Variants in RAD51B observed in about 807,000 individuals in gnomAD.
The protein encoded by RAD51B is DNA repair protein RAD51 homolog 2.
In RAD51B, 38 loss-of-function variants were observed where a neutral mutation model predicts 42.2. The observed-to-expected ratio is 0.90, with a 90% confidence interval of 0.70 to 1.18. RAD51B has a LOEUF of 1.18. Among genes scored for constraint, RAD51B ranks in the 50% most tolerant of loss-of-function variants. RAD51B has a pLI of 0.00. For synonymous variants in RAD51B, 154 were observed against 145.2 expected, an observed-to-expected ratio of 1.06 and a Z score of -0.43; for missense variants, 373 against 400.7, an observed-to-expected ratio of 0.93 and a Z score of 0.59.
intron 10 of RAD51B, among the ~76,000 whole-genome samples, chr14:68,547,579 A>T (rs1334350895): frequency 2.0e-5 from 3 of 152,150 alleles, no homozygotes; most frequent in African/African-American, 7.2e-5. Context: ...GGGGCAGGAG[A>T]CACAGCACTG....
chr14:68,367,374 G>A (rs2083164149), intron 8 of RAD51B, among the ~76,000 whole-genome samples: 1 of 152,202 alleles, frequency 6.6e-6, no homozygotes, highest in East Asian at 1.9e-4. Context: ...ACGTATTTAT[G>A]TGTGAGTTGT....
intron 10 of RAD51B, among the ~76,000 whole-genome samples, chr14:68,591,053 C>T (rs920911019): frequency 2.0e-5 from 3 of 152,224 alleles, no homozygotes; most frequent in Admixed American, 6.5e-5. Context: ...TCACTAGTGA[C>T]TCTTTTCTTC....
chr14:68,389,285 C>T (rs1349703343), intron 8 of RAD51B, among the ~76,000 whole-genome samples: 1 of 152,174 alleles, frequency 6.6e-6, no homozygotes, highest in East Asian at 1.9e-4. Flanking sequence ...CATCCCACCC[C>T]TCCACCCTCA....
At chr14:67,961,895 T>G (rs1323794327) in intron 7 of RAD51B, among the ~76,000 whole-genome samples, 1 of 152,178 alleles carries the variant, frequency 6.6e-6, no homozygotes. Flanking sequence ...AACTATAACA[T>G]TCTGATAAAG....
At chr14:68,350,477 GA>G (rs1185631646) in intron 8 of RAD51B, among the ~76,000 whole-genome samples, 1 of 152,242 alleles carries the variant, frequency 6.6e-6, no homozygotes, top group Non-Finnish European at 1.5e-5. Flanking sequence ...ATAGCAGAGT[GA>G]GCAAAGGCTG....
intron 10 of RAD51B, among the ~76,000 whole-genome samples, chr14:68,607,763 C>G (rs1003026938): frequency 6.6e-6 from 1 of 152,158 alleles, no homozygotes; most frequent in African/African-American, 2.4e-5. Flanking sequence ...CCCGGGGAGG[C>G]GCACTCTAAG....
At chr14:68,392,754 AG>A (rs1228250546) in intron 8 of RAD51B, among the ~76,000 whole-genome samples, 1 of 152,208 alleles carries the variant, frequency 6.6e-6, no homozygotes, top group Non-Finnish European at 1.5e-5. Flanking sequence ...TCGGAGGTAA[AG>A]AAACTGGTCC....
intron 8 of RAD51B, among the ~76,000 whole-genome samples, chr14:68,313,940 C>T (rs890057937): frequency 3.9e-5 from 6 of 152,132 alleles, no homozygotes; most frequent in African/African-American, 9.7e-5. Context: ...CTAAAGACCC[C>T]GTGGCCTCTG....
chr14:68,184,428 A>G (rs1315713622), intron 7 of RAD51B, among the ~76,000 whole-genome samples: 1 of 151,784 alleles, frequency 6.6e-6, no homozygotes, highest in African/African-American at 2.4e-5. Flanking sequence ...TTTCTTTTGT[A>G]GAGACAGGGT....
intron 7 of RAD51B, among the ~76,000 whole-genome samples, chr14:68,272,926 C>T (rs541097952): frequency 9.3e-5 from 14 of 151,074 alleles, no homozygotes; most frequent in East Asian, 3.9e-4. Context: ...CCTGGTGATC[C>T]GCCTGCCTCG....
chr14:68,071,798 C>T (rs1227124047), intron 7 of RAD51B, among the ~76,000 whole-genome samples: 1 of 151,532 alleles, frequency 6.6e-6, no homozygotes, highest in African/African-American at 2.4e-5. Context: ...AGGGAGGAGT[C>T]TCTTCTCCCC....
intron 9 of RAD51B, among the ~76,000 whole-genome samples, chr14:68,465,046 T>A (rs2085939765): frequency 6.6e-6 from 1 of 152,212 alleles, no homozygotes; most frequent in African/African-American, 2.4e-5. Context: ...GATGCCATTC[T>A]TGTGTCTCAT....
chr14:68,339,308 C>T lies in RAD51B; in HGVS notation c.853+47328C>T, dbSNP rs2082524886. ...ACTGGTTAATGGCAGGAGGCACTTACATCCACTTACAGAGGATGGCTCTCT... is the reference window on the plus strand; with the variant it reads ...ACTGGTTAATGGCAGGAGGCACTTATATCCACTTACAGAGGATGGCTCTCT... On this transcript the variant is annotated intron_variant, in intron 8 of 10. Coordinates refer to ENST00000471583, the MANE Select transcript of RAD51B (RefSeq NM_133510.4). 2.2e-5 allele frequency: 20 copies of T among 904,520 alleles called. No homozygotes were observed. The Admixed American group carries it at 2.5e-4, about 11-fold the overall frequency. The allele number at this position is 904,520 out of a possible 1,614,324, so 56.0% of individuals were successfully genotyped here.
intron 7 of RAD51B, among the ~76,000 whole-genome samples, chr14:67,969,480 C>G (rs906650700): frequency 1.3e-5 from 2 of 152,062 alleles, no homozygotes; most frequent in African/African-American, 4.8e-5. Context: ...TTCCGTATGC[C>G]TAAATCCTCC....
chr14:68,381,692 T>G (rs758779877), intron 8 of RAD51B, among the ~76,000 whole-genome samples: 38 of 152,062 alleles, frequency 2.5e-4, no homozygotes, highest in Non-Finnish European at 2.6e-4. Context: ...AATAAATAAA[T>G]AAATAAAAAG....
In RAD51B at chr14:67,944,882, T is replaced by C. The variant is rs574412031; in HGVS notation, c.756+57678T>C. ...ACAGTTATTAGATACCCCACAGACA[T>C]TTTTTGAAATCTGCTGGATTGAGAG... On this transcript the variant is annotated intron_variant, in intron 7 of 10. Transcript: ENST00000471583. Among the ~76,000 whole-genome samples, 6 of 152,310 alleles carry C rather than the reference T, an allele frequency of 3.9e-5. No homozygotes were observed. In the South Asian group the frequency reaches 1.0e-3, roughly 26 times the overall value.
At chr14:68,054,352 C>T (rs2076440709) in intron 7 of RAD51B, among the ~76,000 whole-genome samples, 1 of 152,036 alleles carries the variant, frequency 6.6e-6, no homozygotes, top group African/African-American at 2.4e-5. Flanking sequence ...TTTTGATTTT[C>T]TCTAATGATT....
chr14:68,582,617 C>T (rs1594996177), intron 10 of RAD51B, among the ~76,000 whole-genome samples: 1 of 152,248 alleles, frequency 6.6e-6, no homozygotes, highest in East Asian at 1.9e-4. Flanking sequence ...GATCTAGAAC[C>T]AGAAATACCA....
intron 7 of RAD51B, among the ~76,000 whole-genome samples, chr14:68,285,311 C>T (rs924943860): frequency 2.6e-5 from 4 of 152,138 alleles, no homozygotes; most frequent in Admixed American, 2.6e-4. Flanking sequence ...AGGTCACTGT[C>T]ATATATGGCA....
Sources: gnomAD v4.1 joint callset for allele counts (sites outside exome capture counted in the v4.1 genomes callset) on GRCh38, gnomAD v4.1.1 for gene constraint, MANE v1.5 for transcripts, NCBI Gene and HGNC (gene_info 2026-07-23, HGNC 2026-07-21) for gene names.